The following DENND4A variants were observed in gnomAD, a reference collection of about 807,000 sequenced individuals.
The protein encoded by DENND4A is DENN domain containing 4A.
In DENND4A, 70 loss-of-function variants were observed where a neutral mutation model predicts 199.3. The ratio of observed to expected loss-of-function variants is 0.35; its 90% CI spans 0.29 to 0.43. The LOEUF (loss-of-function observed/expected upper bound fraction) is 0.43. Ranked by LOEUF, DENND4A falls within the 20% of genes least tolerant of loss-of-function variation. DENND4A has a pLI of 1.00. For synonymous variants in DENND4A, 686 were observed against 766.9 expected (o/e 0.89, Z 1.74); for missense variants, 1,723 against 2,255.8 (o/e 0.76, Z 4.78).
At chr15:65,766,250 C>CAAAAAAAAA (rs5813366) in intron 1 of DENND4A, among the ~76,000 whole-genome samples, 1 of 93,890 alleles carries the variant, frequency 1.1e-5, no homozygotes, top group Non-Finnish European at 2.3e-5. Context: ...GACTCCACCT[C>CAAAAAAAAA]AAAAAAAAAA....
At chr15:65,763,679 CAAAAAA>C (rs11357605) in intron 1 of DENND4A, among the ~76,000 whole-genome samples, 70 of 87,518 alleles carry the variant, frequency 8.0e-4, no homozygotes, top group East Asian at 2.7e-3. Context: ...GACCTTGTCT[CAAAAAA>C]AAAAAAAAAA....
In DENND4A at chr15:65,737,600, A is replaced by C. The variant is rs2076151453; in HGVS notation, c.1040+107T>G. On this transcript the variant is annotated intron_variant, in intron 7 of 32. Coordinates refer to ENST00000443035, the MANE Select transcript of DENND4A (RefSeq NM_001320835.1). ...TGAAATAAACCATTTTTTTCAAATAACTCTTGAGAAATCTAGTATCCATAT... is the reference window on the plus strand; with the variant it reads ...TGAAATAAACCATTTTTTTCAAATACCTCTTGAGAAATCTAGTATCCATAT... 8 of 1,134,942 alleles carry C rather than the reference A, an allele frequency of 7.0e-6. No homozygotes were observed. In the South Asian group the frequency reaches 1.2e-4, roughly 17 times the overall value. The allele number at this position is 1,134,942 out of a possible 1,614,324, so 70.3% of individuals were successfully genotyped here.
chr15:65,743,703 T>C (rs2076315252), intron 4 of DENND4A, among the ~76,000 whole-genome samples: 1 of 152,234 alleles, frequency 6.6e-6, no homozygotes, highest in African/African-American at 2.4e-5. Flanking sequence ...TTACAGGTAC[T>C]CCATAAAGTA....
chr15:65,684,423 T>A (rs1206835067), intron 23 of DENND4A, among the ~76,000 whole-genome samples: 1 of 152,224 alleles, frequency 6.6e-6, no homozygotes, highest in Non-Finnish European at 1.5e-5. Context: ...GAGTGTGAAA[T>A]GGGATTTCAC....
chr15:65,701,152 C>G lies in DENND4A; in HGVS notation c.2600G>C (p.Gly867Ala). The G allele has an allele frequency of 6.2e-7, 1 of 1,608,604 alleles. No homozygotes were observed. Among genetic ancestry groups the G allele is most frequent in the Non-Finnish European group, 8.5e-7 (1 of 1,177,976 alleles). The change falls in exon 19 of 33, where the codon GGC becomes GCC. Residue 867 changes from glycine (G) to alanine (A), a missense_variant. Physicochemically the swap from Gly to Ala is moderately conservative, Grantham distance 60. Transcript: ENST00000443035. ...ESTWPSRSRS[G>A]YFLWTKVRNV... Reference sequence around the variant, plus strand: ...TCTTACTTTTGTCCAAAGAAAATAGCCACTACGACTTCTTGAAGGCCAGGT... The same window carrying G: ...TCTTACTTTTGTCCAAAGAAAATAGGCACTACGACTTCTTGAAGGCCAGGT...
chr15:65,726,132 A>G (rs2075798815), intron 11 of DENND4A: 2 of 152,342 alleles, frequency 1.3e-5, no homozygotes, highest in South Asian at 4.1e-4. Context: ...GTAAGTAGGA[A>G]GACAAAATTC....
chr15:65,752,570 G>A lies in DENND4A; in HGVS notation c.370C>T (p.Pro124Ser). The A allele has an allele frequency of 1.2e-6, 2 of 1,605,718 alleles. No individual in the cohort carries two copies. The highest frequency in any genetic ancestry group is 1.7e-6 in the Non-Finnish European group (2 of 1,175,068). ...CTAATATTTGCGGGGCGCCCATAGG[G>A]AGTACTCTGAATAATTTCACAACCC... ...KQGCEIIQST[P>S]YGRPANISGS... The change falls in exon 4 of 33, where the codon CCC becomes TCC. Residue 124 changes from proline (P) to serine (S), a missense_variant. Pro to Ser is a moderately conservative substitution (Grantham distance 74). Transcript: ENST00000443035.
intron 4 of DENND4A, among the ~76,000 whole-genome samples, chr15:65,745,909 G>A (rs1183863736): frequency 3.3e-5 from 5 of 151,868 alleles, no homozygotes; most frequent in South Asian, 2.1e-4. Context: ...CGAGGTGGGC[G>A]GATCACCTGA....
chr15:65,752,724 A>G, intron 3 of DENND4A, 96 bp from the exon 4 acceptor site: 1 of 763,246 alleles, frequency 1.3e-6, no homozygotes, highest in Non-Finnish European at 2.0e-6. Flanking sequence ...ATGTAGTAGC[A>G]TGGTAAAAAT....
chr15:65,705,874 TAG>T (rs1260365324), intron 15 of DENND4A: 19 of 407,732 alleles, frequency 4.7e-5, no homozygotes, highest in Non-Finnish European at 6.3e-5. Flanking sequence ...CAGACATCAT[TAG>T]AGAGCTTCCC....
chr15:65,724,587 T>C lies in DENND4A; in HGVS notation c.1488-1639A>G, dbSNP rs1356124124. Among the ~76,000 whole-genome samples, 5 of 152,002 alleles carry C rather than the reference T, an allele frequency of 3.3e-5. No individual in the cohort carries two copies. In the East Asian group the frequency reaches 9.6e-4, roughly 29 times the overall value. On this transcript the variant is annotated intron_variant, in intron 11 of 32. Transcript: ENST00000443035. ...AAAGGGCAAATATCACTTTGAAAAG[T>C]AAACAAAGAAAAAAGAGTGGGATAA...
Position 65,729,230 on chromosome 15 carries a change from G to A in DENND4A, c.1329C>T (p.His443=). ...EALVSMIFPF[H]WPCPYVPLCP... ...AGAGAGGAACATACGGGCATGGCCA[G>A]TGGAAAGGGAAAATCATCTTGGATA... is the stretch of plus-strand genomic sequence containing the variant. Residue 443 remains histidine, a synonymous_variant, in exon 11 of 33, where the codon CAC becomes CAT. Transcript: ENST00000443035. 1.3e-6 allele frequency: 2 copies of A among 1,577,464 alleles called. No individual in the cohort carries two copies. Among genetic ancestry groups the A allele is most frequent in the South Asian group, 1.2e-5 (1 of 85,832 alleles).
intron 32 of DENND4A, among the ~76,000 whole-genome samples, chr15:65,662,745 TC>T (rs1242894893): frequency 6.6e-6 from 1 of 152,162 alleles, no homozygotes; most frequent in African/African-American, 2.4e-5. Context: ...GTCACTAAGA[TC>T]CTATTTTTCT....
intron 3 of DENND4A, among the ~76,000 whole-genome samples, chr15:65,753,614 C>A (rs2076622498): frequency 2.6e-5 from 4 of 152,158 alleles, no homozygotes; most frequent in African/African-American, 9.7e-5. Flanking sequence ...CTGCCTCGGC[C>A]TCCCAAAGTG....
rs1447742568 is a variant in DENND4A, at chr15:65,690,799, A to G, written c.3795T>C (p.Ser1265=). 3 of 1,613,344 alleles carry G rather than the reference A, an allele frequency of 1.9e-6. No homozygotes were observed. The Admixed American group carries it at 5.0e-5, about 27-fold the overall frequency. Reference sequence around the variant, plus strand: ...GTTGTAAATCAATGCTTGGTGTACGACTTGTCAAAGGACTGCTCATGTTAT... The same window carrying G: ...GTTGTAAATCAATGCTTGGTGTACGGCTTGTCAAAGGACTGCTCATGTTAT... The part of the protein sequence containing the change: ...YMNNMSSPLT[S]RTPSIDLQRA... Residue 1265 remains serine, a synonymous_variant, in exon 23 of 33, where the codon AGT becomes AGC. Transcript: ENST00000443035.
intron 2 of DENND4A, 90 bp from the exon 3 acceptor site, chr15:65,756,562 A>G: frequency 1.2e-6 from 1 of 826,182 alleles, no homozygotes; most frequent in Non-Finnish European, 1.9e-6. Flanking sequence ...AAAACTACAA[A>G]AAGAGCACTA....
intron 11 of DENND4A, chr15:65,726,076 GAA>G (rs2075796404): frequency 6.6e-6 from 1 of 152,098 alleles, no homozygotes; most frequent in Non-Finnish European, 1.5e-5. Flanking sequence ...AAAGCAGAAA[GAA>G]AAGAGCTCAG....
At chr15:65,762,594 G>A (rs2076879654) in intron 1 of DENND4A, among the ~76,000 whole-genome samples, 1 of 152,108 alleles carries the variant, frequency 6.6e-6, no homozygotes, top group African/African-American at 2.4e-5. Flanking sequence ...ACACCACTGT[G>A]CTCCAGCCTG....
intron 10 of DENND4A, 50 bp from the exon 11 acceptor site, chr15:65,729,297 A>G (rs553700774): frequency 6.5e-6 from 10 of 1,528,776 alleles, no homozygotes; most frequent in South Asian, 2.4e-5. Flanking sequence ...ACACTGAAGC[A>G]TAATTTATCA....
Sources: gnomAD v4.1 joint callset for allele counts (sites outside exome capture counted in the v4.1 genomes callset) on GRCh38, gnomAD v4.1.1 for gene constraint, MANE v1.5 for transcripts, NCBI Gene and HGNC (gene_info 2026-07-23, HGNC 2026-07-21) for gene names.